PZP: variants seen among roughly 807,000 people sequenced by gnomAD.
PZP encodes PZP alpha-2-macroglobulin like.
A neutral mutation model predicts 179.8 loss-of-function variants in PZP; 150 were observed. The observed-to-expected ratio is 0.83, with a 90% CI of 0.73 to 0.96. The LOEUF (loss-of-function observed/expected upper bound fraction) is 0.96. Ranked by LOEUF, PZP falls within the 40% of genes least tolerant of loss-of-function variation. The pLI, the probability that PZP is intolerant of heterozygous loss-of-function variation, is 0.00. For missense variants in PZP, 1,689 were observed against 1,764.0 expected (o/e 0.96, Z 0.76); for synonymous variants, 624 against 652.3 (o/e 0.96, Z 0.66).
downstream of PZP, among the ~76,000 whole-genome samples, chr12:9,147,504 G>A (rs1940071358): frequency 2.0e-5 from 3 of 152,054 alleles, no homozygotes; most frequent in Admixed American, 6.5e-5. Context: ...TACTGGCTTC[G>A]GTGAGTCTGC....
At chr12:9,139,310 T>C in the PZP span, among the ~76,000 whole-genome samples, 1 of 152,184 alleles carries the variant, frequency 6.6e-6, no homozygotes, top group African/African-American at 2.4e-5. Context: ...TTTCAATCTT[T>C]CTAAATTTGT....
chr12:9,167,759 A>G (rs972271423), intron 17 of PZP, among the ~76,000 whole-genome samples: 3 of 152,128 alleles, frequency 2.0e-5, no homozygotes, highest in Non-Finnish European at 4.4e-5. Context: ...GTGTTATTAT[A>G]TGCCGTCAAT....
In PZP at chr12:9,192,233, G is replaced by A. The variant is rs746048985; in HGVS notation, c.1506C>T (p.Val502=). The part of the protein sequence containing the change: ...HYLIMAKGVI[V]RSGTHTLPVE... ...CAGGCAGAGTGTGGGTTCCAGATCT[G>A]ACGATGACTCCCTTAGCCATGATCT... is the stretch of plus-strand genomic sequence containing the variant. Residue 502 remains valine (V), a synonymous_variant, in exon 13 of 36, where the codon GTC becomes GTT. Transcript: ENST00000261336. The A allele has an allele frequency of 1.2e-6, 2 of 1,613,932 alleles. No homozygotes were observed. The highest frequency in any genetic ancestry group is 2.7e-5 in the African/African-American group (2 of 74,892).
At chr12:9,148,179 T>C (rs770922907), downstream of PZP, among the ~76,000 whole-genome samples, 1 of 152,324 alleles carries the variant, frequency 6.6e-6, no homozygotes, top group South Asian at 2.1e-4. Context: ...CATTGTAGAA[T>C]GGTTAAGTCA....
At chr12:9,173,308 G>C (rs1565641740) in intron 15 of PZP, among the ~76,000 whole-genome samples, 1 of 152,164 alleles carries the variant, frequency 6.6e-6, no homozygotes, top group Admixed American at 6.5e-5. Flanking sequence ...GCAATCTCTG[G>C]GATGCAGCTA....
Position 9,181,135 on chromosome 12 carries a change from G to C in PZP, c.1690-3C>G. The C allele has an allele frequency of 6.2e-7, 1 of 1,614,012 alleles. No individual in the cohort carries two copies. The highest frequency in any genetic ancestry group is 8.5e-7 in the Non-Finnish European group (1 of 1,179,946). ...GCTGGGCTGAAGCTCAAATCCACCTGTGGGAAATGAAGGAAACGTCAACCA... is the reference window on the plus strand; with the variant it reads ...GCTGGGCTGAAGCTCAAATCCACCTCTGGGAAATGAAGGAAACGTCAACCA... On this transcript the variant is annotated splice_region_variant and splice_polypyrimidine_tract_variant and intron_variant, in intron 14 of 35. Coordinates refer to ENST00000261336, the MANE Select transcript of PZP (RefSeq NM_002864.3).
downstream of PZP, among the ~76,000 whole-genome samples, chr12:9,147,935 C>G (rs1040361065): frequency 6.6e-6 from 1 of 151,806 alleles, no homozygotes; most frequent in African/African-American, 2.4e-5. Flanking sequence ...TTTTTTCTCC[C>G]ACACTACATT....
In PZP at chr12:9,160,327, G is replaced by C. The variant is rs747562591; in HGVS notation, c.3036C>G (p.Gly1012=). Residue 1012 remains glycine (G), a synonymous_variant, in exon 24 of 36, where the codon GGC becomes GGG. Transcript: ENST00000261336. ...LTQEIKAKAV[G]YLITGYQRQL... is the part of the protein sequence containing the mutation. ...TGTCTCACTTACCAGTGATGAGATA[G>C]CCAACGGCCTTGGCCTTGATCTCCT... 1 of 1,611,738 alleles carries C rather than the reference G, an allele frequency of 6.2e-7. No individual in the cohort carries two copies. The highest frequency in any genetic ancestry group is 8.5e-7 in the Non-Finnish European group (1 of 1,179,382).
At chr12:9,188,994 T>C (rs1339692323) in intron 13 of PZP, among the ~76,000 whole-genome samples, 1 of 151,838 alleles carries the variant, frequency 6.6e-6, no homozygotes, top group Non-Finnish European at 1.5e-5. Flanking sequence ...CTCAAAGAAA[T>C]CAGAGATGAT....
chr12:9,148,762 C>A, downstream of PZP: 1 of 498,106 alleles, frequency 2.0e-6, no homozygotes, highest in East Asian at 3.5e-5. Context: ...ACCTTTGCAC[C>A]AAAATTAAAC....
In PZP at chr12:9,159,976, G is replaced by C; in HGVS notation, c.3099C>G (p.Thr1033=). ...GGTTCCTGCCATATCGTTCCCCAAA[G>C]GTGCTGTAGGAGCCATCTTGGTGTT... ...NYKHQDGSYS[T]FGERYGRNQG... The change falls in exon 25 of 36, where the codon ACC becomes ACG. Residue 1033 remains threonine (T), a synonymous_variant. Coordinates refer to ENST00000261336, the MANE Select transcript of PZP (RefSeq NM_002864.3). 6.2e-7 allele frequency: 1 copy of C among 1,613,950 alleles called. No homozygotes were observed. Among genetic ancestry groups the C allele is most frequent in the East Asian group, 2.2e-5 (1 of 44,886 alleles).
intron 22 of PZP, 76 bp downstream of exon 22, chr12:9,162,521 G>T: frequency 1.0e-6 from 1 of 982,166 alleles, no homozygotes; most frequent in Non-Finnish European, 1.6e-6. Context: ...GAGATAAAAT[G>T]AATGTGCATT....
chr12:9,169,674 A>G, intron 15 of PZP, 83 bp from the exon 16 acceptor site: 1 of 1,296,682 alleles, frequency 7.7e-7, no homozygotes, highest in Non-Finnish European at 1.0e-6. Context: ...TAAAATAATT[A>G]TCACCAATCT....
At chr12:9,161,500 A>T (rs1001630261) in intron 22 of PZP, among the ~76,000 whole-genome samples, 1 of 152,108 alleles carries the variant, frequency 6.6e-6, no homozygotes, top group Non-Finnish European at 1.5e-5. Context: ...TCCTCTTCTC[A>T]TTTAACTATA....
At chr12:9,152,554 G>T in intron 31 of PZP, among the ~76,000 whole-genome samples, 1 of 152,230 alleles carries the variant, frequency 6.6e-6, no homozygotes, top group African/African-American at 2.4e-5. Context: ...AAAATCTTTG[G>T]TAGTGAATCT....
chr12:9,203,673 C>T (rs1944302339), intron 2 of PZP, 95 bp downstream of exon 2: 2 of 1,427,440 alleles, frequency 1.4e-6, no homozygotes, highest in South Asian at 1.3e-5. Context: ...TAAAGTCATA[C>T]CTTGGGATCG....
the PZP span, among the ~76,000 whole-genome samples, chr12:9,136,853 C>T: frequency 6.6e-6 from 1 of 152,060 alleles, no homozygotes; most frequent in Non-Finnish European, 1.5e-5. Context: ...AGATCCTTGC[C>T]CATTTTAAAG....
At chr12:9,151,521 C>T (rs1459064661) in intron 33 of PZP, 83 bp downstream of exon 33, 11 of 1,147,884 alleles carry the variant, frequency 9.6e-6, no homozygotes, top group Non-Finnish European at 1.3e-6. Context: ...TTGTTTTCCT[C>T]ATGTTACCGA....
At chr12:9,183,485 G>A (rs1427495631) in intron 13 of PZP, among the ~76,000 whole-genome samples, 5 of 152,052 alleles carry the variant, frequency 3.3e-5, no homozygotes, top group African/African-American at 4.8e-5. Context: ...CTGCAGCCTC[G>A]AATTTCTGGG....
Sources: allele counts gnomAD v4.1 joint callset (sites outside exome capture counted in the v4.1 genomes callset), GRCh38; gene constraint gnomAD v4.1.1; transcripts MANE v1.5; gene names NCBI Gene and HGNC (gene_info 2026-07-23, HGNC 2026-07-21).